Variants in DCHS2 observed in about 807,000 individuals in gnomAD.
The protein encoded by DCHS2 is dachsous cadherin-related 2, also known as protocadherin-23.
A neutral mutation model predicts 182.4 loss-of-function variants in DCHS2; 142 were observed. The observed-to-expected ratio is 0.78, with a 90% confidence interval of 0.68 to 0.89. The LOEUF (loss-of-function observed/expected upper bound fraction) is 0.89, where lower values mean the gene tolerates loss of function less well. Ranked by LOEUF, DCHS2 falls within the 40% of genes least tolerant of loss-of-function variation. The pLI, the probability that DCHS2 is intolerant of heterozygous loss-of-function variation, is 0.00. For synonymous variants in DCHS2, 1,740 were observed against 1,663.3 expected (o/e 1.05, Z -1.12); for missense variants, 4,319 against 4,198.6 (o/e 1.03, Z -0.79).
At chr4:154,442,257 C>T (rs1490102654) in intron 1 of DCHS2, among the ~76,000 whole-genome samples, 1 of 152,034 alleles carries the variant, frequency 6.6e-6, no homozygotes, top group Non-Finnish European at 1.5e-5. Flanking sequence ...ATCTGTCTCC[C>T]CTACGTGACT....
intron 1 of DCHS2, among the ~76,000 whole-genome samples, chr4:154,488,902 CTGTGTGTG>C (rs35075104): frequency 8.0e-5 from 5 of 62,308 alleles, no homozygotes; most frequent in South Asian, 1.1e-3. Context: ...GTGTGTGTGT[CTGTGTGTG>C]TGTGTGTGTG....
chr4:154,371,643 T>C (rs1018278338), intron 2 of DCHS2, among the ~76,000 whole-genome samples: 1 of 152,182 alleles, frequency 6.6e-6, no homozygotes, highest in South Asian at 2.1e-4. Flanking sequence ...CTCATGGCTC[T>C]GCAGGTGAAC....
chr4:154,465,836 G>T (rs932485868), intron 1 of DCHS2, among the ~76,000 whole-genome samples: 2 of 152,000 alleles, frequency 1.3e-5, no homozygotes, highest in African/African-American at 4.8e-5. Flanking sequence ...AAGTATTTTT[G>T]CAAACAGCTT....
chr4:154,368,610 G>A (rs1005034100), intron 2 of DCHS2, among the ~76,000 whole-genome samples: 3 of 151,642 alleles, frequency 2.0e-5, no homozygotes, highest in Admixed American at 6.6e-5. Flanking sequence ...TGCGCCTCCC[G>A]GGTTCAAGTG....
Position 154,366,460 on chromosome 4 carries a change from G to A in DCHS2, c.2245-19C>T, listed in dbSNP as rs10006134. 6,418 of 1,569,692 alleles carry A rather than the reference G, an allele frequency of 4.1e-3. 146 individuals carry two copies. In the African/African-American group the frequency reaches 0.063, roughly 15 times the overall value. On this transcript the variant is annotated intron_variant, in intron 2 of 19. Coordinates refer to ENST00000357232, the MANE Select transcript of DCHS2 (RefSeq NM_001358235.2). ...GCCCACCCTGGTGGATGAATGAGTGGTGATTACAAATGGGTTTTTGCTGAA... is the reference window on the plus strand; with the variant it reads ...GCCCACCCTGGTGGATGAATGAGTGATGATTACAAATGGGTTTTTGCTGAA...
At chr4:154,259,805 T>C in intron 14 of DCHS2, 49 bp from the exon 15 acceptor site, 2 of 1,501,366 alleles carry the variant, frequency 1.3e-6, no homozygotes, top group Non-Finnish European at 1.8e-6. Flanking sequence ...TTGTAGTTAT[T>C]CTTTTATTTT....
At chr4:154,237,431 GT>G in intron 19 of DCHS2, 1 of 325,218 alleles carries the variant, frequency 3.1e-6, no homozygotes, top group East Asian at 6.5e-5. Context: ...TCTGAATTTT[GT>G]TTTTGTATAG....
At chr4:154,447,947 A>G (rs1361656200) in intron 1 of DCHS2, among the ~76,000 whole-genome samples, 2 of 152,170 alleles carry the variant, frequency 1.3e-5, no homozygotes, top group South Asian at 2.1e-4. Context: ...AAATTCTTCA[A>G]AGAGCTGCCT....
chr4:154,380,922 T>C lies in DCHS2; in HGVS notation c.2053-3478A>G, dbSNP rs539453430. 1.2e-4 allele frequency among the ~76,000 whole-genome samples: 19 copies of C among 152,196 alleles called. 1 individual carries two copies. In the South Asian group the frequency reaches 3.5e-3, roughly 28 times the overall value. On this transcript the variant is annotated intron_variant, in intron 1 of 19. Coordinates refer to ENST00000357232, the MANE Select transcript of DCHS2 (RefSeq NM_001358235.2). ...ATATCCATTGACTGACACATAAAAT[T>C]TAGGCAAATTGAGTAATAGAAAATG...
At chr4:154,290,825 T>G (rs2111259805) in intron 13 of DCHS2, among the ~76,000 whole-genome samples, 1 of 152,132 alleles carries the variant, frequency 6.6e-6, no homozygotes, top group African/African-American at 2.4e-5. Flanking sequence ...GACCTCAAAC[T>G]ATAAAACTGC....
chr4:154,333,566 G>A, intron 4 of DCHS2, 72 bp from the exon 5 acceptor site: 1 of 1,395,254 alleles, frequency 7.2e-7, no homozygotes, highest in Non-Finnish European at 9.7e-7. Context: ...AAATTGAAAT[G>A]TTAATACAGT....
intron 1 of DCHS2, among the ~76,000 whole-genome samples, chr4:154,466,343 G>A (rs955549883): frequency 2.0e-5 from 3 of 152,176 alleles, no homozygotes; most frequent in South Asian, 2.1e-4. Flanking sequence ...CCGCATATCA[G>A]CATATTCATA....
At chr4:154,256,185 A>G in intron 15 of DCHS2, among the ~76,000 whole-genome samples, 1 of 152,136 alleles carries the variant, frequency 6.6e-6, no homozygotes, top group Non-Finnish European at 1.5e-5. Context: ...TGGCACTGTC[A>G]CCCAGGGTGG....
rs1367324175 is a variant in DCHS2, at chr4:154,259,666, C to G, written c.6668G>C (p.Arg2223Thr). The change falls in exon 15 of 20, where the codon AGA (arginine) becomes ACA (threonine). Residue 2223 changes from arginine (R) to threonine (T), a missense_variant. Transcript: ENST00000357232. ...LIVLAESSGH[R>T]AYCKVAVLIQ... ...CAAGACTGCTACTTTGCAATAGGCT[C>G]TATGCCCACTACTTTCAGCTAAAAC... 2.5e-6 allele frequency: 4 copies of G among 1,614,030 alleles called. No homozygotes were observed. Among genetic ancestry groups the G allele is most frequent in the Admixed American group, 1.7e-5 (1 of 60,010 alleles).
At chr4:154,295,140 T>A (rs1217128867) in intron 13 of DCHS2, among the ~76,000 whole-genome samples, 2 of 152,250 alleles carry the variant, frequency 1.3e-5, no homozygotes, top group Admixed American at 6.5e-5. Context: ...AATCAAATGA[T>A]GTCTTGTGCC....
rs147859519 is a variant in DCHS2 at position 154,234,542 on chromosome 4, T to G, written c.10110A>C (p.Gln3370His). 9.3e-6 allele frequency: 15 copies of G among 1,606,036 alleles called. No homozygotes were observed. Among genetic ancestry groups the G allele is most frequent in the Non-Finnish European group, 1.3e-5 (15 of 1,175,088 alleles). Residue 3370 changes from glutamine (Q) to histidine (H), a missense_variant, in exon 20 of 20, where the codon CAA (glutamine) becomes CAC (histidine). Physicochemically the swap from Gln to His is conservative, Grantham distance 24. Coordinates refer to ENST00000357232, the MANE Select transcript of DCHS2 (RefSeq NM_001358235.2). ...CHELKAEDEV[Q>H]I ...ACTTGGCATCCCAGTGGTTTCATAT[T>G]TGAACTTCATCTTCTGCTTTAAGTT...
chr4:154,447,520 T>C (rs1734351785), intron 1 of DCHS2, among the ~76,000 whole-genome samples: 1 of 152,182 alleles, frequency 6.6e-6, no homozygotes, highest in Non-Finnish European at 1.5e-5. Flanking sequence ...ATTAAAAATA[T>C]ATATCTTTAG....
At chr4:154,394,477 T>C (rs1731850269) in intron 1 of DCHS2, among the ~76,000 whole-genome samples, 2 of 152,192 alleles carry the variant, frequency 1.3e-5, no homozygotes, top group Admixed American at 6.5e-5. Flanking sequence ...AGGCATTCTC[T>C]TGGTTACAAG....
chr4:154,419,362 T>C (rs62331912), intron 1 of DCHS2, among the ~76,000 whole-genome samples: 30,605 of 152,002 alleles, frequency 0.2, 3,385 homozygotes, highest in Middle Eastern at 0.23. Context: ...ACTTTTACAT[T>C]GTGTGAAAAA....
Sources: allele counts gnomAD v4.1 joint callset (sites outside exome capture counted in the v4.1 genomes callset), GRCh38; gene constraint gnomAD v4.1.1; transcripts MANE v1.5; gene names NCBI Gene and HGNC (gene_info 2026-07-23, HGNC 2026-07-21).